FBXW7: variants seen among roughly 807,000 people sequenced by gnomAD.
The protein encoded by FBXW7 is F-box and WD repeat domain containing 7.
FBXW7 carries 11 observed loss-of-function variants against 86.3 expected under a neutral mutation model. The ratio of observed to expected loss-of-function variants is 0.13; its 90% CI spans 0.08 to 0.21. The LOEUF is 0.21. Ranked by LOEUF, FBXW7 falls within the 10% of genes least tolerant of loss-of-function variation. The pLI is 1.00. For missense variants in FBXW7, 488 were observed against 847.4 expected, an observed-to-expected ratio of 0.58 and a Z score of 5.27; for synonymous variants, 313 against 297.9, an observed-to-expected ratio of 1.05 and a Z score of -0.52.
intron 2 of FBXW7, among the ~76,000 whole-genome samples, chr4:152,436,999 C>T (rs531796897): frequency 2.8e-4 from 43 of 152,292 alleles, no homozygotes; most frequent in African/African-American, 9.6e-4. Context: ...TTCTGCAGCC[C>T]ATTAATCAAG....
At chr4:152,453,240 T>A (rs1028874641) in intron 2 of FBXW7, among the ~76,000 whole-genome samples, 2 of 152,190 alleles carry the variant, frequency 1.3e-5, no homozygotes, top group African/African-American at 4.8e-5. Flanking sequence ...ATGCTTGAAA[T>A]ATTAAGGCTT....
At chr4:152,388,639 T>C (rs2126801820) in intron 4 of FBXW7, among the ~76,000 whole-genome samples, 1 of 152,174 alleles carries the variant, frequency 6.6e-6, no homozygotes, top group East Asian at 1.9e-4. Flanking sequence ...GACAAAACCA[T>C]CCCATGGTAC....
intron 2 of FBXW7, among the ~76,000 whole-genome samples, chr4:152,492,354 A>G (rs1287722477): frequency 2.6e-5 from 4 of 152,218 alleles, no homozygotes; most frequent in Admixed American, 1.3e-4. Flanking sequence ...TATAATTTTT[A>G]AAAGTTTTTT....
At chr4:152,368,933 G>A (rs72721605) in intron 4 of FBXW7, among the ~76,000 whole-genome samples, 449 of 152,094 alleles carry the variant, frequency 3.0e-3, no homozygotes, top group Non-Finnish European at 4.3e-3. Context: ...CGCACTGAAT[G>A]AATCTACATA....
chr4:152,395,529 A>G (rs960715831), intron 4 of FBXW7, among the ~76,000 whole-genome samples: 1 of 152,012 alleles, frequency 6.6e-6, no homozygotes, highest in Non-Finnish European at 1.5e-5. Context: ...TCCTTGTGGA[A>G]GTTGGATACT....
intron 2 of FBXW7, among the ~76,000 whole-genome samples, chr4:152,473,191 C>A (rs887514542): frequency 6.6e-6 from 1 of 152,176 alleles, no homozygotes; most frequent in Admixed American, 6.5e-5. Context: ...CTACAGTGAG[C>A]AGTGACCTGC....
chr4:152,502,551 A>AT (rs558206654), intron 2 of FBXW7, among the ~76,000 whole-genome samples: 3 of 151,846 alleles, frequency 2.0e-5, no homozygotes, highest in East Asian at 1.9e-4. Context: ...AATACTTTTT[A>AT]TTTTTTTTAA....
At chr4:152,390,665 A>G (rs750370050) in intron 4 of FBXW7, among the ~76,000 whole-genome samples, 1 of 152,098 alleles carries the variant, frequency 6.6e-6, no homozygotes, top group Non-Finnish European at 1.5e-5. Context: ...TTAAGTCCAT[A>G]AACAGTTTAA....
intron 2 of FBXW7, among the ~76,000 whole-genome samples, chr4:152,526,663 T>C (rs1008256698): frequency 6.6e-6 from 1 of 152,220 alleles, no homozygotes; most frequent in African/African-American, 2.4e-5. Flanking sequence ...TTCCAGGGGT[T>C]AAAGAGATGG....
chr4:152,471,244 G>T (rs956537982), intron 2 of FBXW7, among the ~76,000 whole-genome samples: 1 of 151,398 alleles, frequency 6.6e-6, no homozygotes, highest in Non-Finnish European at 1.5e-5. Flanking sequence ...AAATAATAAA[G>T]CTTATATAGT....
intron 2 of FBXW7, among the ~76,000 whole-genome samples, chr4:152,416,229 C>A (rs1738418501): frequency 6.6e-6 from 1 of 152,178 alleles, no homozygotes; most frequent in African/African-American, 2.4e-5. Context: ...ATGTACTAAG[C>A]ATGCTCTTCA....
chr4:152,420,787 G>A (rs1237479121), intron 2 of FBXW7, among the ~76,000 whole-genome samples: 4 of 152,024 alleles, frequency 2.6e-5, no homozygotes, highest in Non-Finnish European at 5.9e-5. Context: ...CTAGCAAACT[G>A]TGCTGTCATC....
chr4:152,465,193 GA>G (rs35606609), intron 2 of FBXW7, among the ~76,000 whole-genome samples: 10 of 144,460 alleles, frequency 6.9e-5, no homozygotes, highest in Non-Finnish European at 9.1e-5. Flanking sequence ...TACCTTCAAG[GA>G]AAAAAAAAAG....
chr4:152,501,797 G>C (rs191486046), intron 2 of FBXW7, among the ~76,000 whole-genome samples: 1 of 152,194 alleles, frequency 6.6e-6, no homozygotes, highest in Admixed American at 6.5e-5. Flanking sequence ...CCCAAATGAT[G>C]AAACAGTCTT....
chr4:152,501,104 T>C (rs978543243), intron 2 of FBXW7, among the ~76,000 whole-genome samples: 1 of 152,206 alleles, frequency 6.6e-6, no homozygotes. Flanking sequence ...CAAGTTTCTT[T>C]CTTGTAAGAT....
rs150782444 is a variant in FBXW7 at position 152,497,442 on chromosome 4, A to G, written c.-120+37499T>C. Among the ~76,000 whole-genome samples, 819 of 152,048 alleles carry G rather than the reference A, an allele frequency of 5.4e-3. 1 individual carries two copies. Among genetic ancestry groups the G allele is most frequent in the Non-Finnish European group, 9.3e-3 (632 of 67,962 alleles). The stretch of plus-strand genomic sequence containing the variant: ...TCCAGATTATAAAAAGAATCACCAC[A>G]AATCAATTTAAGGTTCAATACCCAA... On this transcript the variant is annotated intron_variant, in intron 2 of 13. Transcript: ENST00000281708.
chr4:152,335,341 G>T (rs562900735), intron 7 of FBXW7, among the ~76,000 whole-genome samples: 3 of 151,410 alleles, frequency 2.0e-5, no homozygotes, highest in African/African-American at 7.3e-5. Flanking sequence ...GGTGGCACAT[G>T]CCTGTAGTCC....
intron 4 of FBXW7, among the ~76,000 whole-genome samples, chr4:152,406,440 G>T (rs1737432459): frequency 6.6e-6 from 1 of 151,974 alleles, no homozygotes; most frequent in African/African-American, 2.4e-5. Flanking sequence ...AATAGTAACT[G>T]TCATTACCTG....
chr4:152,375,849 C>A (rs915644534), intron 4 of FBXW7, among the ~76,000 whole-genome samples: 1 of 151,924 alleles, frequency 6.6e-6, no homozygotes, highest in Non-Finnish European at 1.5e-5. Flanking sequence ...CACTCCTTGA[C>A]CCAATAAAAC....
Sources: allele counts gnomAD v4.1 joint callset (sites outside exome capture counted in the v4.1 genomes callset), GRCh38; gene constraint gnomAD v4.1.1; transcripts MANE v1.5; gene names NCBI Gene and HGNC (gene_info 2026-07-23, HGNC 2026-07-21).